Variants in CNTNAP5 observed in about 807,000 individuals in gnomAD.
CNTNAP5 encodes the protein contactin-associated protein-like 5.
Under a neutral mutation model 150.2 loss-of-function variants are expected in CNTNAP5, and 72 were observed. The observed-to-expected ratio is 0.48, with a 90% CI of 0.40 to 0.58. The LOEUF is 0.58. Among genes scored for constraint, CNTNAP5 ranks in the 20% least tolerant of loss-of-function variants. CNTNAP5 has a pLI of 0.00. For missense variants in CNTNAP5, 1,636 were observed against 1,626.2 expected (o/e 1.01, Z -0.10); for synonymous variants, 672 against 619.8 (o/e 1.08, Z -1.25).
chr2:124,458,866 G>C (rs918819862), intron 6 of CNTNAP5, among the ~76,000 whole-genome samples: 4 of 152,090 alleles, frequency 2.6e-5, no homozygotes, highest in Admixed American at 2.0e-4. Context: ...GCTAATCCAT[G>C]CTAAAATATT....
chr2:124,340,030 A>G (rs1689572101), intron 3 of CNTNAP5, among the ~76,000 whole-genome samples: 1 of 152,166 alleles, frequency 6.6e-6, no homozygotes, highest in South Asian at 2.1e-4. Flanking sequence ...CTCTGTCCAC[A>G]TTACTCCTGA....
intron 13 of CNTNAP5, among the ~76,000 whole-genome samples, chr2:124,665,054 G>A (rs12619819): frequency 0.16 from 23,814 of 152,064 alleles, 2,045 homozygotes; most frequent in Non-Finnish European, 0.19. Flanking sequence ...TAGCCTTAAC[G>A]TCTATCAGCC....
chr2:124,447,727 A>T (rs1203401484), intron 6 of CNTNAP5, among the ~76,000 whole-genome samples: 1 of 152,214 alleles, frequency 6.6e-6, no homozygotes, highest in Admixed American at 6.5e-5. Flanking sequence ...CAGGGCACTT[A>T]ATTCAACCTT....
intron 21 of CNTNAP5, among the ~76,000 whole-genome samples, chr2:124,882,704 C>T (rs1439709186): frequency 1.3e-5 from 2 of 152,004 alleles, no homozygotes; most frequent in Non-Finnish European, 2.9e-5. Context: ...CATATGTGTA[C>T]GTCTGTTTTC....
At chr2:124,249,178 G>A (rs1050835233) in intron 3 of CNTNAP5, among the ~76,000 whole-genome samples, 1 of 151,976 alleles carries the variant, frequency 6.6e-6, no homozygotes, top group East Asian at 1.9e-4. Context: ...TGTATATCAT[G>A]ACTTACTTTC....
intron 13 of CNTNAP5, among the ~76,000 whole-genome samples, chr2:124,652,311 A>C (rs1441646576): frequency 6.6e-6 from 1 of 152,148 alleles, no homozygotes; most frequent in Non-Finnish European, 1.5e-5. Flanking sequence ...CCTTTGCTAC[A>C]GTGCAGCTTC....
intron 19 of CNTNAP5, among the ~76,000 whole-genome samples, chr2:124,831,301 A>G (rs1320793188): frequency 1.3e-5 from 2 of 151,794 alleles, no homozygotes; most frequent in Non-Finnish European, 2.9e-5. Context: ...AATTTATGTA[A>G]GCTTCTTTCT....
intron 19 of CNTNAP5, among the ~76,000 whole-genome samples, chr2:124,821,769 T>C (rs1165384927): frequency 6.6e-6 from 1 of 152,166 alleles, no homozygotes; most frequent in Admixed American, 6.5e-5. Flanking sequence ...TGGGTATGTG[T>C]TGGAAATGCA....
intron 21 of CNTNAP5, among the ~76,000 whole-genome samples, chr2:124,890,741 A>T (rs1025721033): frequency 6.6e-6 from 1 of 152,134 alleles, no homozygotes; most frequent in African/African-American, 2.4e-5. Context: ...TATATAGACA[A>T]TACATTAGTG....
intron 13 of CNTNAP5, among the ~76,000 whole-genome samples, chr2:124,718,713 G>T (rs1010847330): frequency 3.3e-5 from 5 of 152,054 alleles, no homozygotes; most frequent in Non-Finnish European, 5.9e-5. Context: ...CCGGGCCAAA[G>T]CGAGCAGATC....
chr2:124,226,979 G>A (rs1054837647), intron 2 of CNTNAP5, among the ~76,000 whole-genome samples: 2 of 152,022 alleles, frequency 1.3e-5, no homozygotes, highest in African/African-American at 4.8e-5. Context: ...ATCTATTCAT[G>A]AGGTCAGAAT....
chr2:124,130,662 A>G (rs539268010), intron 1 of CNTNAP5, among the ~76,000 whole-genome samples: 26 of 152,142 alleles, frequency 1.7e-4, no homozygotes, highest in Non-Finnish European at 3.1e-4. Context: ...GCATCCTATT[A>G]GCTCTTCCAA....
At chr2:124,607,836 T>A (rs1677287413) in intron 11 of CNTNAP5, among the ~76,000 whole-genome samples, 1 of 152,130 alleles carries the variant, frequency 6.6e-6, no homozygotes, top group Non-Finnish European at 1.5e-5. Flanking sequence ...AACAGCTGAT[T>A]TTCACCTTTG....
At chr2:124,711,011 G>A (rs1466656123) in intron 13 of CNTNAP5, among the ~76,000 whole-genome samples, 2 of 152,076 alleles carry the variant, frequency 1.3e-5, no homozygotes, top group South Asian at 2.1e-4. Flanking sequence ...GGTGGCTCAC[G>A]CCTGTAATCC....
In CNTNAP5 at chr2:124,031,104, C is replaced by G. The variant is rs1357212743; in HGVS notation, c.82+5372C>G. Among the ~76,000 whole-genome samples the G allele has an allele frequency of 3.3e-5, 5 of 152,062 alleles. No individual in the cohort carries two copies. In the South Asian group the frequency reaches 6.2e-4, roughly 19 times the overall value. ...CTGCTTGGTCTAGAATACCCTTTTT[C>G]TTTGTTATCTTCTCTCACTCTCTCC... On this transcript the variant is annotated intron_variant, in intron 1 of 23. Transcript: ENST00000682447.
chr2:124,626,172 A>T (rs1162133365), intron 12 of CNTNAP5, among the ~76,000 whole-genome samples: 2 of 152,118 alleles, frequency 1.3e-5, no homozygotes, highest in Non-Finnish European at 2.9e-5. Context: ...ATAGTCAAGG[A>T]AGCATTATGG....
At chr2:124,598,854 T>G (rs1696902470) in intron 11 of CNTNAP5, among the ~76,000 whole-genome samples, 1 of 152,088 alleles carries the variant, frequency 6.6e-6, no homozygotes, top group Admixed American at 6.6e-5. Context: ...TGGTGCGCCG[T>G]TTTTTAAGCC....
chr2:124,145,832 G>GAATAAA (rs1553441862), intron 1 of CNTNAP5, among the ~76,000 whole-genome samples: 2 of 34,218 alleles, frequency 5.8e-5, no homozygotes, highest in African/African-American at 2.8e-4. Flanking sequence ...AAAAAAAGAA[G>GAATAAA]AAAAAAAAAA....
chr2:124,732,917 G>A (rs567081088), intron 13 of CNTNAP5, among the ~76,000 whole-genome samples: 1 of 152,182 alleles, frequency 6.6e-6, no homozygotes, highest in South Asian at 2.1e-4. Context: ...TTGATTAAAA[G>A]ACTCAGAATA....
Sources: allele counts gnomAD v4.1 joint callset (sites outside exome capture counted in the v4.1 genomes callset), GRCh38; gene constraint gnomAD v4.1.1; transcripts MANE v1.5; gene names NCBI Gene and HGNC (gene_info 2026-07-23, HGNC 2026-07-21).